Variants in SORCS3 observed in about 807,000 individuals in gnomAD.
SORCS3 encodes the protein sortilin related VPS10 domain containing receptor 3.
A neutral mutation model predicts 146.3 loss-of-function variants in SORCS3; 57 were observed. That is an observed-to-expected ratio of 0.39 (90% CI 0.31 to 0.49). SORCS3 has a LOEUF of 0.49. SORCS3 is among the 20% of genes least tolerant of loss of function. The pLI, the probability that SORCS3 is intolerant of heterozygous loss-of-function variation, is 0.92. For synonymous variants in SORCS3, 653 were observed against 618.5 expected, an observed-to-expected ratio of 1.06 and a Z score of -0.83; for missense variants, 1,341 against 1,575.5, an observed-to-expected ratio of 0.85 and a Z score of 2.52.
At chr10:105,070,414 T>C (rs1397298528) in intron 5 of SORCS3, among the ~76,000 whole-genome samples, 3 of 152,202 alleles carry the variant, frequency 2.0e-5, no homozygotes, top group Non-Finnish European at 4.4e-5. Context: ...TTCAAGGCTA[T>C]TTTCAGATTC....
At chr10:104,792,739 C>T (rs547120008) in intron 1 of SORCS3, among the ~76,000 whole-genome samples, 10 of 152,190 alleles carry the variant, frequency 6.6e-5, no homozygotes, top group African/African-American at 2.2e-4. Context: ...CTTGGATTTA[C>T]GTGGGTTTAC....
intron 1 of SORCS3, among the ~76,000 whole-genome samples, chr10:104,821,605 C>T (rs969056006): frequency 6.6e-5 from 10 of 152,174 alleles, no homozygotes; most frequent in Admixed American, 1.3e-4. Context: ...TGGTGTCTTA[C>T]ATATTCAACC....
intron 14 of SORCS3, among the ~76,000 whole-genome samples, chr10:105,197,024 C>A (rs1412858336): frequency 6.6e-6 from 1 of 152,118 alleles, no homozygotes; most frequent in African/African-American, 2.4e-5. Context: ...ATTTTGGCTT[C>A]TGTCTTCACA....
intron 1 of SORCS3, among the ~76,000 whole-genome samples, chr10:104,794,597 G>A (rs2017529997): frequency 7.0e-6 from 1 of 142,828 alleles, no homozygotes; most frequent in Non-Finnish European, 1.5e-5. Flanking sequence ...GGGTGTGTGT[G>A]TGTGTGTGAG....
intron 3 of SORCS3, among the ~76,000 whole-genome samples, chr10:104,930,393 G>A (rs763386073): frequency 3.9e-5 from 6 of 152,150 alleles, no homozygotes; most frequent in Non-Finnish European, 8.8e-5. Flanking sequence ...GCTTAGATGG[G>A]TACCATGACC....
intron 1 of SORCS3, among the ~76,000 whole-genome samples, chr10:104,754,357 C>G (rs970729328): frequency 6.6e-6 from 1 of 152,176 alleles, no homozygotes; most frequent in African/African-American, 2.4e-5. Context: ...CCAGCTGTAG[C>G]TAGCCAGCTC....
At chr10:105,085,009 C>T (rs1279572958) in intron 5 of SORCS3, among the ~76,000 whole-genome samples, 1 of 152,088 alleles carries the variant, frequency 6.6e-6, no homozygotes, top group Non-Finnish European at 1.5e-5. Context: ...GGATTACAGG[C>T]GTGAGCCACC....
At chr10:104,754,916 C>T (rs1432460333) in intron 1 of SORCS3, among the ~76,000 whole-genome samples, 1 of 152,150 alleles carries the variant, frequency 6.6e-6, no homozygotes, top group Non-Finnish European at 1.5e-5. Flanking sequence ...TATGTGTTTT[C>T]TCCTTTTCAC....
chr10:104,918,613 A>G (rs1328665217), intron 3 of SORCS3, among the ~76,000 whole-genome samples: 1 of 152,130 alleles, frequency 6.6e-6, no homozygotes, highest in Non-Finnish European at 1.5e-5. Context: ...CAACTGCCCC[A>G]CCCAGCCAAC....
At chr10:104,753,535 A>G (rs2017012436) in intron 1 of SORCS3, among the ~76,000 whole-genome samples, 1 of 152,244 alleles carries the variant, frequency 6.6e-6, no homozygotes. Flanking sequence ...ATTTACTGCT[A>G]GCAACACTTA....
intron 1 of SORCS3, among the ~76,000 whole-genome samples, chr10:104,774,204 C>T (rs969890122): frequency 1.7e-4 from 26 of 152,206 alleles, no homozygotes; most frequent in African/African-American, 5.3e-4. Context: ...TACCCCAAAT[C>T]TCGCAGCTGT....
intron 5 of SORCS3, among the ~76,000 whole-genome samples, chr10:105,066,147 A>C (rs1426028673): frequency 3.3e-5 from 5 of 152,210 alleles, no homozygotes; most frequent in Non-Finnish European, 4.4e-5. Context: ...GCATGGGCTC[A>C]TCTGGTGGAA....
chr10:104,641,765 G>T lies in SORCS3; in HGVS notation c.438G>T (p.Trp146Cys). The change falls in exon 1 of 27, where the codon TGG (tryptophan) becomes TGT (cysteine). Residue 146 changes from tryptophan (W) to cysteine (C), a missense_variant. By Grantham distance (215) the Trp-to-Cys change is radical. Coordinates refer to ENST00000369701, the MANE Select transcript of SORCS3 (RefSeq NM_014978.3). The surrounding 1 kb of genome is among the most constrained non-coding windows in gnomAD (Gnocchi z 6.4). ...PPITQERGDA[W>C]ATAPADGSRG... ...TCACCCAGGAACGCGGGGACGCCTG[G>T]GCCACTGCTCCGGCCGATGGTTCCA... The T allele has an allele frequency of 2.6e-6, 4 of 1,547,242 alleles. No homozygotes were observed. Among genetic ancestry groups the T allele is most frequent in the Non-Finnish European group, 3.5e-6 (4 of 1,146,246 alleles).
intron 5 of SORCS3, among the ~76,000 whole-genome samples, chr10:105,045,021 G>GA (rs35904016): frequency 0.017 from 1,972 of 117,886 alleles, 18 homozygotes; most frequent in African/African-American, 0.027. Flanking sequence ...TCCAGAATTC[G>GA]AAAAAAAAAA....
chr10:104,807,524 C>T (rs2017692501), intron 1 of SORCS3, among the ~76,000 whole-genome samples: 1 of 152,086 alleles, frequency 6.6e-6, no homozygotes, highest in Admixed American at 6.5e-5. Flanking sequence ...AACTGGAGGA[C>T]ATTGGAAGAA....
chr10:105,022,844 C>G (rs1016072019), intron 4 of SORCS3, among the ~76,000 whole-genome samples: 5 of 151,950 alleles, frequency 3.3e-5, no homozygotes, highest in African/African-American at 1.2e-4. Flanking sequence ...TAAAACAGGA[C>G]TTGAGTTTTA....
At chr10:105,195,724 G>A (rs1428029101) in intron 14 of SORCS3, among the ~76,000 whole-genome samples, 1 of 152,188 alleles carries the variant, frequency 6.6e-6, no homozygotes, top group Non-Finnish European at 1.5e-5. Context: ...TCTTCCCTAA[G>A]CTGACAATGG....
At chr10:104,678,060 CAT>C (rs1265512435) in intron 1 of SORCS3, among the ~76,000 whole-genome samples, 3 of 152,154 alleles carry the variant, frequency 2.0e-5, no homozygotes, top group African/African-American at 2.4e-5. Context: ...ATGTTAGACA[CAT>C]GTGTGCATGG....
rs10644058 is a variant in SORCS3 at position 104,786,549 on chromosome 10, A to AAATAATAATAATAATAATAATAAT, written c.628-56238_628-56215dup. Among the ~76,000 whole-genome samples the AAATAATAATAATAATAATAATAAT allele has an allele frequency of 4.2e-3, 586 of 140,526 alleles. 1 individual carries two copies. Among genetic ancestry groups the AAATAATAATAATAATAATAATAAT allele is most frequent in the South Asian group, 6.9e-3 (29 of 4,226 alleles). 92.2% of individuals were successfully genotyped at this position (140,526 alleles called of 152,430 possible). A position where few individuals can be genotyped will look rare whatever the true frequency, so the allele number is the denominator to read the frequency against. On this transcript the variant is annotated intron_variant, in intron 1 of 26. Coordinates refer to ENST00000369701, the MANE Select transcript of SORCS3 (RefSeq NM_014978.3). Reference sequence around the variant, plus strand: ...GGCTACAAGTATGAAACTCCATCTAAAATAATAATAATAATAATAATAATA... The same window carrying AAATAATAATAATAATAATAATAAT: ...GGCTACAAGTATGAAACTCCATCTAAAATAATAATAATAATAATAATAATAATAATAATAATAATAATAATAATA...
Sources: allele counts gnomAD v4.1 joint callset (sites outside exome capture counted in the v4.1 genomes callset), GRCh38; gene constraint gnomAD v4.1.1; non-coding constraint Gnocchi (gnomAD v3.1); transcripts MANE v1.5; gene names NCBI Gene and HGNC (gene_info 2026-07-23, HGNC 2026-07-21).